The following GALNTL5 variants were observed in gnomAD, a reference collection of about 807,000 sequenced individuals.
The protein encoded by GALNTL5 is inactive polypeptide N-acetylgalactosaminyltransferase-like protein 5.
In GALNTL5, 44 loss-of-function variants were observed where a neutral mutation model predicts 51.0. The ratio of observed to expected loss-of-function variants is 0.86; its 90% CI spans 0.68 to 1.11. The LOEUF (loss-of-function observed/expected upper bound fraction) is 1.11, where lower values mean the gene tolerates loss of function less well. Among genes scored for constraint, GALNTL5 ranks in the 50% least tolerant of loss-of-function variants. GALNTL5 has a pLI of 0.00. For missense variants in GALNTL5, 528 were observed against 531.8 expected (o/e 0.99, Z 0.07); for synonymous variants, 192 against 182.8 (o/e 1.05, Z -0.41).
intron 1 of GALNTL5, among the ~76,000 whole-genome samples, chr7:151,965,497 A>G (rs1169847339): frequency 6.6e-6 from 1 of 152,208 alleles, no homozygotes; most frequent in Non-Finnish European, 1.5e-5. Flanking sequence ...GAAAAATATC[A>G]TGAGCACTCT....
chr7:151,968,975 T>C (rs921075374), intron 2 of GALNTL5, among the ~76,000 whole-genome samples: 4 of 152,216 alleles, frequency 2.6e-5, no homozygotes, highest in Admixed American at 2.6e-4. Context: ...GGCATGTTTT[T>C]CTTCTTAATT....
At chr7:152,016,671 A>G (rs981158086) in intron 8 of GALNTL5, among the ~76,000 whole-genome samples, 3 of 152,196 alleles carry the variant, frequency 2.0e-5, no homozygotes, top group Admixed American at 2.0e-4. Context: ...ACTTAATACA[A>G]TACAAATACT....
chr7:152,004,339 A>G (rs559611788), intron 6 of GALNTL5, among the ~76,000 whole-genome samples: 4 of 150,142 alleles, frequency 2.7e-5, no homozygotes, highest in Non-Finnish European at 5.9e-5. Flanking sequence ...TATATTATAC[A>G]TATTACATAT....
At chr7:152,011,459 C>T (rs2081737411) in intron 7 of GALNTL5, among the ~76,000 whole-genome samples, 1 of 152,250 alleles carries the variant, frequency 6.6e-6, no homozygotes, top group South Asian at 2.1e-4. Flanking sequence ...ATCTCCCCGA[C>T]ACCTGCAGTC....
At chr7:151,968,926 T>C (rs2081092973) in intron 2 of GALNTL5, among the ~76,000 whole-genome samples, 1 of 152,232 alleles carries the variant, frequency 6.6e-6, no homozygotes, top group East Asian at 1.9e-4. Context: ...TACTGTCTTT[T>C]GTAGAGGATC....
At position 151,995,347 on chromosome 7, in the gene GALNTL5, A is replaced by ATTTTTTTTTTT. The variant is rs1563017632; in HGVS notation, c.659-7367_659-7366insTTTTTTTTTTT. ...AAGAAATCTACGATCAGTTGGTATGAATTTTTTTTTTTTTTTTTTTTTTTT... is the reference window on the plus strand; with the variant it reads ...AAGAAATCTACGATCAGTTGGTATGATTTTTTTTTTTATTTTTTTTTTTTTTTTTTTTTTTT... On this transcript the variant is annotated intron_variant, in intron 5 of 8. Coordinates refer to ENST00000392800, the MANE Select transcript of GALNTL5 (RefSeq NM_145292.4). The ATTTTTTTTTTT allele has an allele frequency of 5.5e-5, 5 of 90,980 alleles. 1 individual carries two copies. Among genetic ancestry groups the ATTTTTTTTTTT allele is most frequent in the African/African-American group, 8.0e-5 (2 of 24,902 alleles). 5.6% of individuals were successfully genotyped at this position (90,980 alleles called of 1,614,324 possible).
intron 3 of GALNTL5, among the ~76,000 whole-genome samples, chr7:151,975,770 T>C (rs2081197505): frequency 6.6e-6 from 1 of 152,162 alleles, no homozygotes; most frequent in Non-Finnish European, 1.5e-5. Flanking sequence ...TTTATTTCCA[T>C]TTGTCAAGAT....
intron 7 of GALNTL5, among the ~76,000 whole-genome samples, chr7:152,013,995 A>T (rs1364381401): frequency 6.6e-6 from 1 of 152,226 alleles, no homozygotes; most frequent in Non-Finnish European, 1.5e-5. Context: ...CATGATCAGC[A>T]TTTCTCTTGT....
intron 3 of GALNTL5, among the ~76,000 whole-genome samples, chr7:151,980,737 ATTTTTTTTTTTTTT>A (rs61288964): frequency 6.1e-5 from 6 of 98,960 alleles, no homozygotes; most frequent in African/African-American, 1.9e-4. Context: ...GCTAACAATG[ATTTTTTTTTTTTTT>A]TTTTTTTTTT....
At chr7:151,979,316 A>G (rs1022137363) in intron 3 of GALNTL5, among the ~76,000 whole-genome samples, 17 of 140,270 alleles carry the variant, frequency 1.2e-4, no homozygotes, top group African/African-American at 3.8e-4. Flanking sequence ...GGGTTTCACC[A>G]TGTTAGCCAG....
chr7:151,979,350 G>A (rs1172877695), intron 3 of GALNTL5, among the ~76,000 whole-genome samples: 4 of 145,566 alleles, frequency 2.7e-5, no homozygotes, highest in Non-Finnish European at 4.5e-5. Flanking sequence ...TCCTGACCTC[G>A]TGATCTGCCT....
At chr7:152,007,413 C>CTTTTTTTTTTTTTT in intron 6 of GALNTL5, among the ~76,000 whole-genome samples, 1 of 109,954 alleles carries the variant, frequency 9.1e-6, no homozygotes, top group Non-Finnish European at 1.8e-5. Flanking sequence ...AATGTTTTCT[C>CTTTTTTTTTTTTTT]TTTTTTTTTT....
chr7:151,979,500 C>T (rs1586819810), intron 3 of GALNTL5, among the ~76,000 whole-genome samples: 1 of 151,168 alleles, frequency 6.6e-6, no homozygotes, highest in African/African-American at 2.4e-5. Context: ...GCTCTTGTTG[C>T]CCAAGGTAGA....
chr7:151,996,562 A>G lies in GALNTL5; in HGVS notation c.659-6152A>G, dbSNP rs534263684. 5.6e-4 allele frequency among the ~76,000 whole-genome samples: 85 copies of G among 152,328 alleles called. 1 individual carries two copies. Among genetic ancestry groups the G allele is most frequent in the Non-Finnish European group, 1.2e-3 (80 of 68,034 alleles). On this transcript the variant is annotated intron_variant, in intron 5 of 8. Coordinates refer to ENST00000392800, the MANE Select transcript of GALNTL5 (RefSeq NM_145292.4). Reference sequence around the variant, plus strand: ...TGAGACCAGCCTGGGAAACATGAGAAGACCTCATTTCTACAGAAATAAATG... The same window carrying G: ...TGAGACCAGCCTGGGAAACATGAGAGGACCTCATTTCTACAGAAATAAATG...
At chr7:152,014,820 A>G (rs1246494732) in intron 8 of GALNTL5, 27 bp downstream of exon 8, 1 of 1,582,660 alleles carries the variant, frequency 6.3e-7, no homozygotes, top group East Asian at 2.3e-5. Flanking sequence ...TGACTTGGAA[A>G]ATGTATGCGA....
In GALNTL5 at chr7:151,995,745, A is replaced by G. The variant is rs2081491782; in HGVS notation, c.659-6969A>G. The stretch of plus-strand genomic sequence containing the variant: ...ACAAATAAATAATTAAAACATAAAC[A>G]TTGAATTTTATCCTTCAAAATGATG... On this transcript the variant is annotated intron_variant, in intron 5 of 8. Coordinates refer to ENST00000392800, the MANE Select transcript of GALNTL5 (RefSeq NM_145292.4). Among the ~76,000 whole-genome samples the G allele has an allele frequency of 5.9e-5, 9 of 152,326 alleles. No homozygotes were observed. The South Asian group carries it at 1.9e-3, about 32-fold the overall frequency.
chr7:152,013,247 T>C (rs904975286), intron 7 of GALNTL5, among the ~76,000 whole-genome samples: 13 of 152,026 alleles, frequency 8.6e-5, no homozygotes, highest in African/African-American at 3.1e-4. Flanking sequence ...AGTGCGATGC[T>C]CATTACCTGG....
intron 7 of GALNTL5, among the ~76,000 whole-genome samples, chr7:152,009,094 A>G (rs1452542806): frequency 6.6e-6 from 1 of 152,212 alleles, no homozygotes; most frequent in Non-Finnish European, 1.5e-5. Context: ...TCTTTTAAAT[A>G]TACTTGGGTG....
intron 8 of GALNTL5, among the ~76,000 whole-genome samples, chr7:152,015,360 C>CT (rs202199371): frequency 0.013 from 1,685 of 132,156 alleles, 34 homozygotes; most frequent in African/African-American, 0.041. Context: ...ATGTGCAACT[C>CT]TTTTTTTTTT....
Sources: gnomAD v4.1 joint callset for allele counts (sites outside exome capture counted in the v4.1 genomes callset) on GRCh38, gnomAD v4.1.1 for gene constraint, MANE v1.5 for transcripts, NCBI Gene and HGNC (gene_info 2026-07-23, HGNC 2026-07-21) for gene names.